Variants in DCC observed in about 807,000 individuals in gnomAD.
DCC encodes the protein DCC netrin 1 receptor.
Under a neutral mutation model 172.5 loss-of-function variants are expected in DCC, and 58 were observed. That is an observed-to-expected ratio of 0.34 (90% CI 0.27 to 0.42). DCC has a LOEUF of 0.42. DCC is among the 10% of genes least tolerant of loss of function. The pLI, the probability that DCC is intolerant of heterozygous loss-of-function variation, is 1.00. For missense variants in DCC, 1,740 were observed against 1,791.0 expected, an observed-to-expected ratio of 0.97 and a Z score of 0.51; for synonymous variants, 709 against 644.5, an observed-to-expected ratio of 1.10 and a Z score of -1.52.
At chr18:52,388,507 CTT>C (rs148032381) in intron 1 of DCC, among the ~76,000 whole-genome samples, 1 of 149,086 alleles carries the variant, frequency 6.7e-6, no homozygotes. Flanking sequence ...ATAAGTGCCA[CTT>C]TTTTTTTTCC....
At chr18:53,154,962 G>T (rs1436196160) in intron 7 of DCC, among the ~76,000 whole-genome samples, 2 of 152,112 alleles carry the variant, frequency 1.3e-5, no homozygotes, top group Admixed American at 1.3e-4. Flanking sequence ...TCACCACTCT[G>T]CTATAAAAGA....
chr18:52,930,176 G>A (rs1180623648), intron 5 of DCC, among the ~76,000 whole-genome samples: 1 of 151,534 alleles, frequency 6.6e-6, no homozygotes, highest in African/African-American at 2.4e-5. Flanking sequence ...TATTGCCCAG[G>A]CTGATCTCAA....
chr18:53,401,285 CCT>C (rs1909275293), intron 18 of DCC, among the ~76,000 whole-genome samples: 1 of 90,344 alleles, frequency 1.1e-5, no homozygotes, highest in African/African-American at 3.1e-5. Context: ...GTTTTCTTCT[CCT>C]TCATTCCCCC....
At chr18:53,232,447 A>C (rs1264743955) in intron 12 of DCC, among the ~76,000 whole-genome samples, 4 of 152,168 alleles carry the variant, frequency 2.6e-5, no homozygotes, top group Admixed American at 2.6e-4. Context: ...CTGATTTTCC[A>C]TGAAAACCTA....
intron 2 of DCC, among the ~76,000 whole-genome samples, chr18:52,882,391 G>A (rs1312454192): frequency 2.0e-5 from 3 of 150,486 alleles, no homozygotes; most frequent in African/African-American, 7.4e-5. Flanking sequence ...GTTATTTGAA[G>A]TTTTTGTTTC....
intron 2 of DCC, among the ~76,000 whole-genome samples, chr18:52,773,608 C>G (rs977371419): frequency 7.9e-5 from 12 of 152,104 alleles, no homozygotes; most frequent in Admixed American, 6.5e-5. Flanking sequence ...CTCACTGCAA[C>G]CTCTCCCTCC....
intron 1 of DCC, among the ~76,000 whole-genome samples, chr18:52,729,046 G>A (rs555944679): frequency 3.1e-4 from 47 of 152,156 alleles, no homozygotes; most frequent in Admixed American, 1.2e-3. Context: ...AATTTGTTTT[G>A]GTTCTTTTTT....
intron 19 of DCC, among the ~76,000 whole-genome samples, chr18:53,408,850 A>G (rs547304822): frequency 1.6e-3 from 241 of 152,318 alleles, no homozygotes; most frequent in African/African-American, 5.7e-3. Context: ...TCAAAATTTA[A>G]GAGAAATGGG....
chr18:52,603,051 C>A (rs1296411854), intron 1 of DCC, among the ~76,000 whole-genome samples: 1 of 152,064 alleles, frequency 6.6e-6, no homozygotes, highest in East Asian at 1.9e-4. Context: ...AAACACAGTG[C>A]TTTTGAACAT....
At chr18:52,635,973 A>C (rs1426672310) in intron 1 of DCC, among the ~76,000 whole-genome samples, 1 of 152,306 alleles carries the variant, frequency 6.6e-6, no homozygotes, top group South Asian at 2.1e-4. Context: ...CTCTGACGGA[A>C]GTGGACTGCT....
chr18:52,593,110 T>A (rs773988150), intron 1 of DCC, among the ~76,000 whole-genome samples: 4 of 152,212 alleles, frequency 2.6e-5, no homozygotes, highest in South Asian at 2.1e-4. Flanking sequence ...AAGACTAAGT[T>A]GTATGTATTT....
At position 52,427,835 on chromosome 18, in the gene DCC, TCTTCCTTCCTTCCTTC is replaced by T. The variant is rs1206938130; in HGVS notation, c.91+87001_91+87016del. ...TCCTTTCTTCCTTCCTTCCTTCCTT[TCTTCCTTCCTTCCTTC>T]CTTCCTTCCTTCCTTCCTTCCTTCC... On this transcript the variant is annotated intron_variant, in intron 1 of 28. Transcript: ENST00000442544. Among the ~76,000 whole-genome samples, 129 of 46,060 alleles carry T rather than the reference TCTTCCTTCCTTCCTTC, an allele frequency of 2.8e-3. 1 individual carries two copies. The highest frequency in any genetic ancestry group is 9.6e-3 in the Middle Eastern group (1 of 104). 30.2% of individuals were successfully genotyped at this position (46,060 alleles called of 152,430 possible).
At chr18:53,206,172 CAT>C (rs1568364672) in intron 10 of DCC, among the ~76,000 whole-genome samples, 2 of 1,278 alleles carry the variant, frequency 1.6e-3, no homozygotes, top group South Asian at 0.1. Context: ...TATACATATA[CAT>C]ATATAATACA....
chr18:53,272,863 A>G (rs945288722), intron 12 of DCC, among the ~76,000 whole-genome samples: 1 of 152,196 alleles, frequency 6.6e-6, no homozygotes, highest in South Asian at 2.1e-4. Flanking sequence ...TTTAAATAGC[A>G]TTTAAATATC....
intron 1 of DCC, among the ~76,000 whole-genome samples, chr18:52,532,167 G>T (rs1568215481): frequency 6.6e-6 from 1 of 152,236 alleles, no homozygotes; most frequent in East Asian, 1.9e-4. Flanking sequence ...ATTGAAAAAT[G>T]ATGCTTATCT....
chr18:52,830,244 C>T (rs1250523768), intron 2 of DCC, among the ~76,000 whole-genome samples: 1 of 152,154 alleles, frequency 6.6e-6, no homozygotes, highest in Non-Finnish European at 1.5e-5. Context: ...TGTGGTCCAA[C>T]ACAAACTCAC....
chr18:53,327,304 G>A (rs2057477706), intron 14 of DCC, among the ~76,000 whole-genome samples: 1 of 151,578 alleles, frequency 6.6e-6, no homozygotes, highest in South Asian at 2.1e-4. Context: ...CAAAATTTCA[G>A]CTTAAAAAAA....
intron 2 of DCC, among the ~76,000 whole-genome samples, chr18:52,813,448 A>C (rs1164983949): frequency 6.6e-6 from 1 of 152,192 alleles, no homozygotes; most frequent in East Asian, 1.9e-4. Flanking sequence ...TCTCATCTGG[A>C]TTATCAACTG....
intron 1 of DCC, among the ~76,000 whole-genome samples, chr18:52,550,423 T>A (rs183667951): frequency 5.9e-5 from 9 of 152,280 alleles, no homozygotes; most frequent in Non-Finnish European, 1.0e-4. Context: ...ATTAGTTCGA[T>A]ATCTGTATGT....
Sources: gnomAD v4.1 joint callset for allele counts (sites outside exome capture counted in the v4.1 genomes callset) on GRCh38, gnomAD v4.1.1 for gene constraint, MANE v1.5 for transcripts, NCBI Gene and HGNC (gene_info 2026-07-23, HGNC 2026-07-21) for gene names.